DHRSX: variants seen among roughly 807,000 people sequenced by gnomAD.
DHRSX encodes the protein polyprenol dehydrogenase.
DHRSX carries 31 observed loss-of-function variants against 34.0 expected under a neutral mutation model. The observed-to-expected ratio is 0.91, with a 90% confidence interval of 0.69 to 1.23. The LOEUF (loss-of-function observed/expected upper bound fraction) is 1.23. Among genes scored for constraint, DHRSX ranks in the 50% most tolerant of loss-of-function variants. DHRSX has a pLI of 0.00. For synonymous variants in DHRSX, 201 were observed against 183.8 expected (o/e 1.09, Z -0.76); for missense variants, 414 against 428.1 (o/e 0.97, Z 0.29).
intron 1 of DHRSX, among the ~76,000 whole-genome samples, chrX:2,467,503 C>CA (rs199994065): frequency 0.014 from 2,141 of 152,140 alleles, 32 homozygotes; most frequent in Non-Finnish European, 0.025. Flanking sequence ...TGCGGCACAC[C>CA]AAACACCAGA....
chrX:2,378,019 T>G (rs1445882408), intron 3 of DHRSX, among the ~76,000 whole-genome samples: 1 of 152,172 alleles, frequency 6.6e-6, no homozygotes, highest in Non-Finnish European at 1.5e-5. Context: ...ATAACAGGCA[T>G]GAGCCACTGC....
intron 3 of DHRSX, among the ~76,000 whole-genome samples, chrX:2,338,693 A>G (rs1209772804): frequency 2.0e-5 from 3 of 151,932 alleles, no homozygotes; most frequent in East Asian, 1.9e-4. Context: ...CCGTTCCACC[A>G]TGAGTGGAAG....
intron 6 of DHRSX, among the ~76,000 whole-genome samples, chrX:2,238,279 T>G (rs1569478220): frequency 6.6e-6 from 1 of 152,092 alleles, no homozygotes; most frequent in Non-Finnish European, 1.5e-5. Flanking sequence ...ATCGTTTCAG[T>G]CCAGCAGGTC....
intron 3 of DHRSX, among the ~76,000 whole-genome samples, chrX:2,331,435 G>GGTTTT (rs2042471587): frequency 1.7e-5 from 1 of 57,888 alleles, no homozygotes; most frequent in Admixed American, 1.6e-4. Flanking sequence ...AAGGTTTTTT[G>GGTTTT]GTTTTTTTTT....
intron 1 of DHRSX, among the ~76,000 whole-genome samples, chrX:2,478,201 G>T (rs754130443): frequency 6.6e-6 from 1 of 152,180 alleles, no homozygotes; most frequent in Non-Finnish European, 1.5e-5. Flanking sequence ...TCAGCACGGT[G>T]GCTGGAGGAT....
chrX:2,283,544 C>T (rs976539610), intron 4 of DHRSX, among the ~76,000 whole-genome samples: 2 of 152,090 alleles, frequency 1.3e-5, no homozygotes, highest in African/African-American at 4.8e-5. Context: ...TGCCAGGCGC[C>T]CACAAAGACA....
chrX:2,291,681 C>T, intron 3 of DHRSX, 78 bp from the exon 4 acceptor site: 1 of 1,070,612 alleles, frequency 9.3e-7, no homozygotes, highest in South Asian at 1.3e-5. Context: ...CTAAACAGGT[C>T]AAACTCAATT....
At chrX:2,416,303 G>A (rs1393053108) in intron 2 of DHRSX, among the ~76,000 whole-genome samples, 6 of 151,836 alleles carry the variant, frequency 4.0e-5, no homozygotes, top group African/African-American at 1.5e-4. Flanking sequence ...AACCCAAGTA[G>A]ACTTCATCAT....
At chrX:2,242,975 T>C (rs748666982) in intron 6 of DHRSX, 48 bp downstream of exon 6, 1 of 1,576,474 alleles carries the variant, frequency 6.3e-7, no homozygotes, top group South Asian at 1.1e-5. Context: ...CCCTTTCCTG[T>C]AGCATCTTCA....
intron 6 of DHRSX, among the ~76,000 whole-genome samples, chrX:2,235,883 G>A (rs113896582): frequency 0.4 from 60,913 of 150,500 alleles, 13,462 homozygotes; most frequent in Middle Eastern, 0.54. Context: ...GGAGACCGAG[G>A]CGGGCGGATC....
intron 3 of DHRSX, among the ~76,000 whole-genome samples, chrX:2,362,118 A>G (rs1391320867): frequency 1.3e-5 from 2 of 152,200 alleles, no homozygotes; most frequent in Admixed American, 6.5e-5. Flanking sequence ...AAGAACTTTT[A>G]AGAGCCCTAG....
chrX:2,363,101 C>T (rs2042953875), intron 3 of DHRSX, among the ~76,000 whole-genome samples: 1 of 135,322 alleles, frequency 7.4e-6, no homozygotes, highest in South Asian at 2.6e-4. Context: ...TCTATGGTAT[C>T]ATGCCGCCAT....
intron 3 of DHRSX, among the ~76,000 whole-genome samples, chrX:2,350,270 G>C (rs2042773900): frequency 6.6e-6 from 1 of 151,950 alleles, no homozygotes; most frequent in Non-Finnish European, 1.5e-5. Context: ...AGAATCATTT[G>C]AACTTGGGAG....
chrX:2,220,983 C>A lies in DHRSX; in HGVS notation c.*58G>T, dbSNP rs1250590191. ...AAACACCGCAGTCTTCACAGACCCA[C>A]AAGCTATTGGCAGGTGCAATGTGTT... On this transcript the variant is annotated 3_prime_UTR_variant, in exon 7 of 7. Transcript: ENST00000334651. The A allele has an allele frequency of 1.3e-6, 2 of 1,559,896 alleles. No homozygotes were observed. The highest frequency in any genetic ancestry group is 8.8e-7 in the Non-Finnish European group (1 of 1,141,786).
chrX:2,390,144 C>CG (rs1166056838), intron 3 of DHRSX, among the ~76,000 whole-genome samples: 1 of 128,184 alleles, frequency 7.8e-6, no homozygotes, highest in Non-Finnish European at 1.6e-5. Context: ...GCATTTTAAC[C>CG]TTTTTTTTTT....
chrX:2,364,281 T>A (rs1374456944), intron 3 of DHRSX, among the ~76,000 whole-genome samples: 3 of 152,158 alleles, frequency 2.0e-5, no homozygotes, highest in Non-Finnish European at 2.9e-5. Flanking sequence ...TATTTTTGGT[T>A]GTTATAACTG....
intron 1 of DHRSX, among the ~76,000 whole-genome samples, chrX:2,446,432 A>G (rs762722995): frequency 2.0e-5 from 3 of 149,642 alleles, no homozygotes; most frequent in African/African-American, 7.4e-5. Flanking sequence ...ATGTGGCCCA[A>G]GGGACGACAG....
chrX:2,234,882 T>G (rs1435353424), intron 6 of DHRSX, among the ~76,000 whole-genome samples: 1 of 152,094 alleles, frequency 6.6e-6, no homozygotes, highest in Non-Finnish European at 1.5e-5. Flanking sequence ...AGCTAATTTT[T>G]GTATTTTTAG....
At chrX:2,368,435 C>G (rs1464506668) in intron 3 of DHRSX, among the ~76,000 whole-genome samples, 1 of 152,058 alleles carries the variant, frequency 6.6e-6, no homozygotes, top group Non-Finnish European at 1.5e-5. Context: ...CTGCGTCTTT[C>G]AAATGTGTGA....
Sources: gnomAD v4.1 joint callset for allele counts (sites outside exome capture counted in the v4.1 genomes callset) on GRCh38, gnomAD v4.1.1 for gene constraint, MANE v1.5 for transcripts, NCBI Gene and HGNC (gene_info 2026-07-23, HGNC 2026-07-21) for gene names.